The following CTNNA3 variants were observed in gnomAD, a reference collection of about 807,000 sequenced individuals.
CTNNA3 encodes the protein catenin alpha 3, also known as catenin alpha-3.
In CTNNA3, 76 loss-of-function variants were observed where a neutral mutation model predicts 95.7. The ratio of observed to expected loss-of-function variants is 0.79; its 90% CI spans 0.66 to 0.96. The LOEUF is 0.96. Ranked by LOEUF, CTNNA3 falls within the 40% of genes least tolerant of loss-of-function variation. CTNNA3 has a pLI of 0.00. For synonymous variants in CTNNA3, 431 were observed against 374.4 expected (o/e 1.15, Z -1.74); for missense variants, 1,191 against 1,089.8 (o/e 1.09, Z -1.31).
At chr10:66,165,394 A>G (rs1269804420) in intron 13 of CTNNA3, among the ~76,000 whole-genome samples, 1 of 152,178 alleles carries the variant, frequency 6.6e-6, no homozygotes, top group Non-Finnish European at 1.5e-5. Context: ...TCAATCATAC[A>G]TCAATTTTAC....
At chr10:66,471,717 A>G (rs866792416) in intron 11 of CTNNA3, among the ~76,000 whole-genome samples, 2 of 151,784 alleles carry the variant, frequency 1.3e-5, no homozygotes, top group Non-Finnish European at 2.9e-5. Context: ...AAATGCTCCA[A>G]CTTAAGACAT....
At chr10:66,525,211 G>GAA (rs77967389) in intron 10 of CTNNA3, among the ~76,000 whole-genome samples, 4 of 150,458 alleles carry the variant, frequency 2.7e-5, no homozygotes, top group Admixed American at 6.6e-5. Context: ...TCAGATAAAA[G>GAA]AAAAAAAAAG....
chr10:66,664,274 C>A (rs1427742761), intron 9 of CTNNA3, among the ~76,000 whole-genome samples: 1 of 152,076 alleles, frequency 6.6e-6, no homozygotes, highest in Non-Finnish European at 1.5e-5. Flanking sequence ...CTTGCCCTGT[C>A]ACATCTCAAA....
intron 12 of CTNNA3, among the ~76,000 whole-genome samples, chr10:66,366,608 A>G (rs1022173303): frequency 6.6e-6 from 1 of 152,126 alleles, no homozygotes; most frequent in Non-Finnish European, 1.5e-5. Context: ...CTCCCCAGAC[A>G]TTGAATCTGC....
chr10:67,598,091 G>C (rs1040844682), intron 3 of CTNNA3, among the ~76,000 whole-genome samples: 1 of 152,126 alleles, frequency 6.6e-6, no homozygotes, highest in African/African-American at 2.4e-5. Flanking sequence ...AGATAGCCCT[G>C]TTCTGTCTAG....
intron 16 of CTNNA3, among the ~76,000 whole-genome samples, chr10:65,984,592 A>C: frequency 6.7e-6 from 1 of 148,276 alleles, no homozygotes; most frequent in Admixed American, 6.9e-5. Flanking sequence ...CCATTTGAAT[A>C]ATGCTAAAAA....
At chr10:66,598,502 A>G (rs1262850451) in intron 10 of CTNNA3, among the ~76,000 whole-genome samples, 2 of 152,038 alleles carry the variant, frequency 1.3e-5, no homozygotes, top group African/African-American at 4.8e-5. Context: ...GGTCTTATAT[A>G]TAGAAAACCA....
At chr10:66,235,410 T>C (rs1318877624) in intron 13 of CTNNA3, among the ~76,000 whole-genome samples, 1 of 151,118 alleles carries the variant, frequency 6.6e-6, no homozygotes, top group Non-Finnish European at 1.5e-5. Flanking sequence ...ACATATAAGA[T>C]ATAATACCAA....
intron 13 of CTNNA3, among the ~76,000 whole-genome samples, chr10:66,156,952 T>G (rs1472915496): frequency 6.6e-6 from 1 of 151,966 alleles, no homozygotes; most frequent in Non-Finnish European, 1.5e-5. Flanking sequence ...GAGAACAGAC[T>G]GATGAGGAGG....
chr10:66,338,301 A>G (rs1325901344), intron 12 of CTNNA3, among the ~76,000 whole-genome samples: 1 of 152,018 alleles, frequency 6.6e-6, no homozygotes, highest in East Asian at 1.9e-4. Context: ...TGGAGGTCGG[A>G]AGGATTAATA....
At chr10:66,734,951 T>A (rs1035402402) in intron 9 of CTNNA3, among the ~76,000 whole-genome samples, 3 of 151,920 alleles carry the variant, frequency 2.0e-5, no homozygotes, top group Non-Finnish European at 4.4e-5. Flanking sequence ...TGGCTAGCTT[T>A]GCAAAAAGTT....
At chr10:67,616,209 GGT>G (rs1843651816) in intron 2 of CTNNA3, among the ~76,000 whole-genome samples, 1 of 152,158 alleles carries the variant, frequency 6.6e-6, no homozygotes, top group African/African-American at 2.4e-5. Flanking sequence ...TAGGAAGGCT[GGT>G]ATGGAGGCAC....
intron 1 of CTNNA3, among the ~76,000 whole-genome samples, chr10:67,668,313 A>C (rs983491269): frequency 1.3e-5 from 2 of 152,146 alleles, no homozygotes. Context: ...GCTGTATCTG[A>C]ATTTTCAATA....
Position 67,566,072 on chromosome 10 carries a change from T to TATATAC in CTNNA3, c.293-26404_293-26403insGTATAT, listed in dbSNP as rs1265158791. Among the ~76,000 whole-genome samples the TATATAC allele has an allele frequency of 2.9e-5, 3 of 102,146 alleles. 1 individual carries two copies. The highest frequency in any genetic ancestry group is 1.1e-4 in the Admixed American group (1 of 9,370). 67.0% of individuals were successfully genotyped at this position (102,146 alleles called of 152,430 possible). A position where few individuals can be genotyped will look rare whatever the true frequency, so the allele number is the denominator to read the frequency against. On this transcript the variant is annotated intron_variant, in intron 3 of 17. Coordinates refer to ENST00000433211, the MANE Select transcript of CTNNA3 (RefSeq NM_013266.4). ...ATATATATATATATATATATATATA[T>TATATAC]ACAAAACCTAGGCATTACCATTCAG...
intron 15 of CTNNA3, among the ~76,000 whole-genome samples, chr10:66,025,148 T>C (rs1461026868): frequency 6.6e-6 from 1 of 152,242 alleles, no homozygotes; most frequent in Non-Finnish European, 1.5e-5. Flanking sequence ...TCTATTTGCA[T>C]TTGTCCACCA....
chr10:65,989,306 T>A (rs1030650402), intron 15 of CTNNA3, among the ~76,000 whole-genome samples: 13 of 152,156 alleles, frequency 8.5e-5, no homozygotes, highest in Non-Finnish European at 1.8e-4. Context: ...TATTATTATT[T>A]TTTAATGCCA....
At chr10:66,345,992 G>C (rs1237946911) in intron 12 of CTNNA3, among the ~76,000 whole-genome samples, 1 of 145,354 alleles carries the variant, frequency 6.9e-6, no homozygotes, top group Non-Finnish European at 1.5e-5. Flanking sequence ...CAGGAGAATT[G>C]CTTGAATCTG....
intron 5 of CTNNA3, among the ~76,000 whole-genome samples, chr10:67,439,013 CT>C (rs1214940252): frequency 2.6e-5 from 4 of 152,246 alleles, no homozygotes; most frequent in Middle Eastern, 6.8e-3. Context: ...CCTCCTACTG[CT>C]GAGCTTAGAG....
At chr10:65,988,879 TAATC>T (rs1156968932) in intron 15 of CTNNA3, 82 bp from the exon 16 acceptor site, 9 of 916,892 alleles carry the variant, frequency 9.8e-6, no homozygotes, top group Non-Finnish European at 1.6e-5. Context: ...AAAAATGTAT[TAATC>T]TATGCGTCCA....
Sources: allele counts gnomAD v4.1 joint callset (sites outside exome capture counted in the v4.1 genomes callset), GRCh38; gene constraint gnomAD v4.1.1; transcripts MANE v1.5; gene names NCBI Gene and HGNC (gene_info 2026-07-23, HGNC 2026-07-21).